Variants in KLHL7 observed in about 807,000 individuals in gnomAD.
KLHL7 encodes kelch-like protein 7.
Under a neutral mutation model 67.4 loss-of-function variants are expected in KLHL7, and 44 were observed. The ratio of observed to expected loss-of-function variants is 0.65; its 90% confidence interval spans 0.51 to 0.84. The LOEUF (loss-of-function observed/expected upper bound fraction) is 0.84, where lower values mean the gene tolerates loss of function less well. Among genes scored for constraint, KLHL7 ranks in the 40% least tolerant of loss-of-function variants. The pLI is 0.00. For synonymous variants in KLHL7, 252 were observed against 243.3 expected (o/e 1.04, Z -0.33); for missense variants, 362 against 718.1 (o/e 0.50, Z 5.67).
At chr7:23,109,046 TG>T (rs1424688399) in intron 1 of KLHL7, among the ~76,000 whole-genome samples, 1 of 152,254 alleles carries the variant, frequency 6.6e-6, no homozygotes, top group Non-Finnish European at 1.5e-5. Context: ...ATATTTGTGT[TG>T]GGAAATACCA....
intron 1 of KLHL7, chr7:23,118,095 C>A: frequency 9.2e-7 from 1 of 1,092,732 alleles, no homozygotes; most frequent in Non-Finnish European, 1.3e-6. Flanking sequence ...TTAGCACTTA[C>A]ATGGACCCAA....
At chr7:23,156,917 C>G (rs895681313) in intron 7 of KLHL7, among the ~76,000 whole-genome samples, 52 of 34,302 alleles carry the variant, frequency 1.5e-3, no homozygotes, top group East Asian at 1.4e-3. Flanking sequence ...ATAGAAGGCT[C>G]TAAATAAAAG....
intron 7 of KLHL7, among the ~76,000 whole-genome samples, chr7:23,158,621 AG>A (rs1784773805): frequency 6.6e-6 from 1 of 152,246 alleles, no homozygotes; most frequent in African/African-American, 2.4e-5. Context: ...TGTTTAAATA[AG>A]TAATATTTTA....
At chr7:23,155,663 A>AAAAC (rs1784681083) in intron 7 of KLHL7, among the ~76,000 whole-genome samples, 1 of 147,188 alleles carries the variant, frequency 6.8e-6, no homozygotes, top group African/African-American at 2.4e-5. Flanking sequence ...CAGCAACCAA[A>AAAAC]AAAACAAAAC....
chr7:23,170,008 G>T (rs1036230795), intron 9 of KLHL7, among the ~76,000 whole-genome samples: 1 of 152,156 alleles, frequency 6.6e-6, no homozygotes, highest in Admixed American at 6.5e-5. Flanking sequence ...TCAGGAGTTC[G>T]AGACCAGCCT....
intron 1 of KLHL7, among the ~76,000 whole-genome samples, chr7:23,121,395 T>C (rs1000016820): frequency 5.3e-5 from 8 of 152,048 alleles, no homozygotes; most frequent in Middle Eastern, 3.2e-3. Flanking sequence ...CAAGTGATCC[T>C]CTTACCTCAG....
chr7:23,125,967 C>A, intron 4 of KLHL7: 1 of 870,928 alleles, frequency 1.1e-6, no homozygotes, highest in Non-Finnish European at 1.9e-6. Context: ...ATGATACATA[C>A]ATGCCTATGA....
At chr7:23,108,914 TTATC>T (rs1782754110) in intron 1 of KLHL7, among the ~76,000 whole-genome samples, 1 of 152,266 alleles carries the variant, frequency 6.6e-6, no homozygotes, top group Non-Finnish European at 1.5e-5. Flanking sequence ...ATAGCACAAT[TTATC>T]CATTCTATCA....
At chr7:23,147,280 G>C (rs747054396) in intron 6 of KLHL7, among the ~76,000 whole-genome samples, 21 of 151,978 alleles carry the variant, frequency 1.4e-4, no homozygotes, top group Non-Finnish European at 2.1e-4. Flanking sequence ...AGCAGAGACA[G>C]GGTTTCGCCA....
Position 23,141,017 on chromosome 7 carries a change from C to G in KLHL7, c.618+73C>G, listed in dbSNP as rs145366690. On this transcript the variant is annotated intron_variant, in intron 5 of 10. Transcript: ENST00000339077. ...TGGTTTCTTAAAACTCATGTTTGGACACATGACAAGGGAAAGAGTCATATT... is the reference window on the plus strand; with the variant it reads ...TGGTTTCTTAAAACTCATGTTTGGAGACATGACAAGGGAAAGAGTCATATT... The G allele has an allele frequency of 3.3e-4, 402 of 1,220,890 alleles. 8 individuals carry two copies. The East Asian group carries it at 9.2e-3, about 28-fold the overall frequency. 75.6% of individuals were successfully genotyped at this position (1,220,890 alleles called of 1,614,324 possible). A position where few individuals can be genotyped will look rare whatever the true frequency, so the allele number is the denominator to read the frequency against.
chr7:23,111,467 TATGCATGTTTGTGTGCATGTGC>T (rs1460764037), intron 1 of KLHL7, among the ~76,000 whole-genome samples: 2 of 152,228 alleles, frequency 1.3e-5, no homozygotes, highest in Non-Finnish European at 2.9e-5. Context: ...AAAATCTGTG[TATGCATGTTTGTGTGCATGTGC>T]ATGCATGTTT....
intron 4 of KLHL7, chr7:23,125,716 A>G: frequency 6.9e-7 from 1 of 1,453,526 alleles, no homozygotes; most frequent in Non-Finnish European, 9.1e-7. Context: ...GGACTGCTAT[A>G]GCCATTTTGA....
intron 1 of KLHL7, among the ~76,000 whole-genome samples, chr7:23,112,596 A>G (rs1782920577): frequency 6.6e-6 from 1 of 152,218 alleles, no homozygotes; most frequent in South Asian, 2.1e-4. Context: ...GCAAGTCAGG[A>G]TGGCCAAATG....
At chr7:23,113,142 AAAT>A (rs1049707372) in intron 1 of KLHL7, among the ~76,000 whole-genome samples, 2 of 152,308 alleles carry the variant, frequency 1.3e-5, no homozygotes, top group African/African-American at 4.8e-5. Context: ...TAAAAAAAAA[AAAT>A]AGAATGAGAT....
chr7:23,129,305 C>A, intron 4 of KLHL7: 1 of 297,338 alleles, frequency 3.4e-6, no homozygotes, highest in South Asian at 3.5e-5. Flanking sequence ...AGGGACTGCT[C>A]CAGGACAACA....
At chr7:23,138,022 A>G (rs1012473166) in intron 4 of KLHL7, among the ~76,000 whole-genome samples, 18 of 151,632 alleles carry the variant, frequency 1.2e-4, no homozygotes, top group South Asian at 2.1e-4. Flanking sequence ...CCAAAAATAC[A>G]AAAATTAGCC....
chr7:23,161,833 G>A (rs1562588590), intron 7 of KLHL7, among the ~76,000 whole-genome samples: 1 of 152,190 alleles, frequency 6.6e-6, no homozygotes, highest in East Asian at 1.9e-4. Flanking sequence ...TTCTACAAAT[G>A]TGAACTATCA....
At chr7:23,155,329 CT>C (rs374888476) in intron 7 of KLHL7, among the ~76,000 whole-genome samples, 96 of 151,730 alleles carry the variant, frequency 6.3e-4, no homozygotes, top group African/African-American at 2.2e-3. Context: ...AAATTATAAA[CT>C]TTTTTTTTCC....
intron 9 of KLHL7, among the ~76,000 whole-genome samples, chr7:23,172,412 TA>T (rs1019814844): frequency 2.1e-4 from 32 of 152,198 alleles, no homozygotes; most frequent in Non-Finnish European, 4.0e-4. Context: ...CAGAGCAGCA[TA>T]AAGTTCTTAG....
Sources: allele counts gnomAD v4.1 joint callset (sites outside exome capture counted in the v4.1 genomes callset), GRCh38; gene constraint gnomAD v4.1.1; transcripts MANE v1.5; gene names NCBI Gene and HGNC (gene_info 2026-07-23, HGNC 2026-07-21).